MACROD1: variants seen among roughly 807,000 people sequenced by gnomAD.
MACROD1 encodes the protein ADP-ribose glycohydrolase MACROD1.
A neutral mutation model predicts 41.4 loss-of-function variants in MACROD1; 31 were observed. The ratio of observed to expected loss-of-function variants is 0.75; its 90% CI spans 0.56 to 1.01. The LOEUF (loss-of-function observed/expected upper bound fraction) is 1.01, where lower values mean the gene tolerates loss of function less well. Among genes scored for constraint, MACROD1 ranks in the 50% least tolerant of loss-of-function variants. The pLI is 0.00. For missense variants in MACROD1, 473 were observed against 460.0 expected (o/e 1.03, Z -0.26); for synonymous variants, 252 against 203.4 (o/e 1.24, Z -2.03).
At chr11:64,063,538 C>T (rs1415536156) in intron 3 of MACROD1, among the ~76,000 whole-genome samples, 2 of 152,186 alleles carry the variant, frequency 1.3e-5, no homozygotes, top group Non-Finnish European at 1.5e-5. Context: ...CAAAAGTCTC[C>T]GTTACTGCCC....
At chr11:64,078,865 C>T (rs1037394971) in intron 3 of MACROD1, among the ~76,000 whole-genome samples, 8 of 152,120 alleles carry the variant, frequency 5.3e-5, no homozygotes, top group African/African-American at 1.9e-4. Flanking sequence ...GAGACTGTCT[C>T]GGCAGAGGGG....
intron 4 of MACROD1, among the ~76,000 whole-genome samples, chr11:64,013,118 C>T (rs941767907): frequency 1.3e-5 from 2 of 152,228 alleles, no homozygotes; most frequent in African/African-American, 4.8e-5. Flanking sequence ...GCTGGGATTA[C>T]AAACATTTAC....
At position 64,041,878 on chromosome 11, in the gene MACROD1, G is replaced by A. The variant is rs556668694; in HGVS notation, c.518-26597C>T. Among the ~76,000 whole-genome samples, 4 of 152,352 alleles carry A rather than the reference G, an allele frequency of 2.6e-5. No individual in the cohort carries two copies. In the East Asian group the frequency reaches 7.7e-4, roughly 29 times the overall value. ...GTCACGGGAGTTTCACCTCAAGGCT[G>A]AGGGTGCCCCGCCCAGTTAAAGCAC... On this transcript the variant is annotated intron_variant, in intron 3 of 10. Transcript: ENST00000255681.
chr11:64,165,958 G>A lies in MACROD1; in HGVS notation c.37C>T (p.Gln13Ter). The change falls in exon 1 of 11, where the codon CAG (glutamine) becomes TAG (stop). Residue 13 changes from glutamine (Q) to a stop codon, truncating the protein, a stop_gained. Coordinates refer to ENST00000255681, the MANE Select transcript of MACROD1 (RefSeq NM_014067.4). LOFTEE classifies it high-confidence loss of function. ...LQSRLSGRLA[Q>*]LRAAGQLLVP... Reference sequence around the variant, plus strand: ...AGCAGCTGCCCCGCCGCGCGCAGCTGTGCCAGGCGGCCGGACAGTCGGCTC... The same window carrying A: ...AGCAGCTGCCCCGCCGCGCGCAGCTATGCCAGGCGGCCGGACAGTCGGCTC... 5 of 1,300,664 alleles carry A rather than the reference G, an allele frequency of 3.8e-6. No homozygotes were observed. The highest frequency in any genetic ancestry group is 4.8e-6 in the Non-Finnish European group (5 of 1,031,108). 80.6% of individuals were successfully genotyped at this position (1,300,664 alleles called of 1,614,324 possible).
chr11:64,148,650 C>A, intron 3 of MACROD1: 1 of 781,942 alleles, frequency 1.3e-6, no homozygotes, highest in African/African-American at 1.9e-5. Flanking sequence ...TTAATGGACA[C>A]GTATTCTCTT....
chr11:64,115,105 G>C (rs747545811), intron 3 of MACROD1, among the ~76,000 whole-genome samples: 24 of 152,162 alleles, frequency 1.6e-4, no homozygotes, highest in Non-Finnish European at 2.5e-4. Context: ...AGGCCATCAT[G>C]TCCCATCATT....
At chr11:64,155,474 C>A (rs1945653075) in intron 1 of MACROD1, among the ~76,000 whole-genome samples, 1 of 152,224 alleles carries the variant, frequency 6.6e-6, no homozygotes, top group Non-Finnish European at 1.5e-5. Context: ...GTTTTCCCAT[C>A]TCTGGAATAG....
chr11:64,000,115 G>A lies in MACROD1; in HGVS notation c.664+112C>T, dbSNP rs943457313. On this transcript the variant is annotated intron_variant, in intron 5 of 10. Coordinates refer to ENST00000255681, the MANE Select transcript of MACROD1 (RefSeq NM_014067.4). ...GGGTCTTGGCCCTTAAGGTTAAGAA[G>A]GGCCCCCTGAGGAGTTCCCCAGCAC... The A allele has an allele frequency of 4.9e-6, 4 of 809,830 alleles. No homozygotes were observed. The African/African-American group carries it at 7.0e-5, about 14-fold the overall frequency. The allele number at this position is 809,830 out of a possible 1,614,324, so 50.2% of individuals were successfully genotyped here. A position where few individuals can be genotyped will look rare whatever the true frequency, so the allele number is the denominator to read the frequency against.
intron 3 of MACROD1, among the ~76,000 whole-genome samples, chr11:64,121,528 C>G (rs2134635527): frequency 6.6e-6 from 1 of 152,356 alleles, no homozygotes; most frequent in Middle Eastern, 3.4e-3. Flanking sequence ...CACAGCCCCT[C>G]AGCCAGGGAG....
intron 3 of MACROD1, among the ~76,000 whole-genome samples, chr11:64,056,855 AACT>A (rs1004654983): frequency 7.3e-5 from 11 of 151,442 alleles, no homozygotes; most frequent in African/African-American, 2.4e-4. Flanking sequence ...CTGCCTTCTA[AACT>A]CATCTACACT....
At chr11:64,133,131 C>T (rs560000960) in intron 3 of MACROD1, among the ~76,000 whole-genome samples, 1 of 152,186 alleles carries the variant, frequency 6.6e-6, no homozygotes, top group Non-Finnish European at 1.5e-5. Flanking sequence ...CCCTGAGCAG[C>T]CCCCAGCGCC....
chr11:64,052,347 A>T (rs1015038508), intron 3 of MACROD1, among the ~76,000 whole-genome samples: 1 of 152,190 alleles, frequency 6.6e-6, no homozygotes, highest in Non-Finnish European at 1.5e-5. Flanking sequence ...AAGAGTTTTT[A>T]AAAATTTTTA....
chr11:64,038,524 G>A (rs1417628379), intron 3 of MACROD1, among the ~76,000 whole-genome samples: 2 of 152,096 alleles, frequency 1.3e-5, no homozygotes, highest in Non-Finnish European at 2.9e-5. Context: ...AGGCCAGCAC[G>A]GGGGCAGCTG....
intron 3 of MACROD1, among the ~76,000 whole-genome samples, chr11:64,049,695 G>T (rs1428172835): frequency 1.3e-5 from 2 of 152,224 alleles, no homozygotes; most frequent in Non-Finnish European, 2.9e-5. Flanking sequence ...TGATCTGCGG[G>T]GCAGGCTGCA....
At position 64,110,366 on chromosome 11, in the gene MACROD1, C is replaced by T. The variant is rs555131419; in HGVS notation, c.517+40873G>A. ...CAGGAGGCTGAGGTGGGAGGATCACCTGAGCATGGGGAGGTCGAGGCTGCA... is the reference window on the plus strand; with the variant it reads ...CAGGAGGCTGAGGTGGGAGGATCACTTGAGCATGGGGAGGTCGAGGCTGCA... On this transcript the variant is annotated intron_variant, in intron 3 of 10. Transcript: ENST00000255681. Among the ~76,000 whole-genome samples the T allele has an allele frequency of 2.3e-4, 35 of 151,766 alleles. No individual in the cohort carries two copies. In the South Asian group the frequency reaches 3.8e-3, roughly 16 times the overall value.
In MACROD1 at chr11:64,165,998, C is replaced by T. The variant is rs748998508; in HGVS notation, c.-4G>A. The T allele has an allele frequency of 6.1e-5, 77 of 1,261,172 alleles. No homozygotes were observed. Among genetic ancestry groups the T allele is most frequent in the African/African-American group, 4.7e-5 (3 of 64,472 alleles). The allele number at this position is 1,261,172 out of a possible 1,614,324, so 78.1% of individuals were successfully genotyped here. A position where few individuals can be genotyped will look rare whatever the true frequency, so the allele number is the denominator to read the frequency against. On this transcript the variant is annotated 5_prime_UTR_variant, in exon 1 of 11. Transcript: ENST00000255681. The stretch of plus-strand genomic sequence containing the variant: ...ACAGTCGGCTCTGTAGAGACATGAG[C>T]GGGCGGCGCGGGACGGCTCTCCGCC...
intron 3 of MACROD1, among the ~76,000 whole-genome samples, chr11:64,062,150 C>T (rs1490663247): frequency 6.6e-6 from 1 of 152,078 alleles, no homozygotes; most frequent in Non-Finnish European, 1.5e-5. Flanking sequence ...TGGATTTCCC[C>T]AGACAGGGAT....
chr11:64,069,728 C>G (rs1024406288), intron 3 of MACROD1, among the ~76,000 whole-genome samples: 2 of 152,168 alleles, frequency 1.3e-5, no homozygotes, highest in South Asian at 4.1e-4. Flanking sequence ...ACCCCCGGGC[C>G]CGGCCCCGGC....
At chr11:64,072,170 G>C (rs1423202161) in intron 3 of MACROD1, among the ~76,000 whole-genome samples, 3 of 152,192 alleles carry the variant, frequency 2.0e-5, no homozygotes, top group African/African-American at 7.2e-5. Context: ...GGCTGGGCCT[G>C]GGGGGACTTG....
Sources: allele counts gnomAD v4.1 joint callset (sites outside exome capture counted in the v4.1 genomes callset), GRCh38; gene constraint gnomAD v4.1.1; transcripts MANE v1.5; gene names NCBI Gene and HGNC (gene_info 2026-07-23, HGNC 2026-07-21).